The following FAM177A1 variants were observed in gnomAD, a reference collection of about 807,000 sequenced individuals.
FAM177A1 encodes family with sequence similarity 177 member A1, also known as protein FAM177A1.
In FAM177A1, 22 loss-of-function variants were observed where a neutral mutation model predicts 26.1. The observed-to-expected ratio is 0.84, with a 90% CI of 0.60 to 1.20. FAM177A1 has a LOEUF of 1.20. FAM177A1 is among the 50% of genes most tolerant of loss of function. FAM177A1 has a pLI of 0.00. For synonymous variants in FAM177A1, 95 were observed against 99.3 expected (o/e 0.96, Z 0.26); for missense variants, 296 against 291.1 (o/e 1.02, Z -0.12).
At chr14:35,073,733 T>G (rs1050492770) in intron 2 of FAM177A1, among the ~76,000 whole-genome samples, 7 of 152,210 alleles carry the variant, frequency 4.6e-5, no homozygotes, top group Non-Finnish European at 1.0e-4. Context: ...GGCTAGCAGC[T>G]TTATAGATAA....
At chr14:35,047,224 TTAA>T (rs1459216984) in intron 1 of FAM177A1, 1 of 155,592 alleles carries the variant, frequency 6.4e-6, no homozygotes, top group Non-Finnish European at 1.4e-5. Flanking sequence ...GAAACCGATA[TTAA>T]TTTTAATAGC....
Position 35,046,643 on chromosome 14 carries a change from C to T in FAM177A1, c.165+15C>T. On this transcript the variant is annotated intron_variant, in intron 1 of 4. Coordinates refer to ENST00000280987, the MANE Select transcript of FAM177A1 (RefSeq NM_173607.5). ...CTGCAGGGCAGGTAGGTGGGGCCGC[C>T]GAGGCTGACGTCCGGGGAGCCGAGC... 2.6e-6 allele frequency: 4 copies of T among 1,523,092 alleles called. No homozygotes were observed. Among genetic ancestry groups the T allele is most frequent in the Non-Finnish European group, 3.5e-6 (4 of 1,131,590 alleles). The allele number at this position is 1,523,092 out of a possible 1,614,324, so 94.3% of individuals were successfully genotyped here.
At chr14:35,069,942 C>T (rs1432882089) in intron 2 of FAM177A1, among the ~76,000 whole-genome samples, 1 of 150,494 alleles carries the variant, frequency 6.6e-6, no homozygotes, top group Non-Finnish European at 1.5e-5. Flanking sequence ...ATGGTGAAAC[C>T]CCGTCTCTAC....
chr14:35,081,316 C>G lies in FAM177A1; in HGVS notation c.*88C>G. 8.6e-7 allele frequency: 1 copy of G among 1,165,890 alleles called. No homozygotes were observed. The highest frequency in any genetic ancestry group is 1.2e-6 in the Non-Finnish European group (1 of 857,334). 72.2% of individuals were successfully genotyped at this position (1,165,890 alleles called of 1,614,324 possible). A position where few individuals can be genotyped will look rare whatever the true frequency, so the allele number is the denominator to read the frequency against. On this transcript the variant is annotated 3_prime_UTR_variant, in exon 5 of 5. Transcript: ENST00000280987. Reference sequence around the variant, plus strand: ...ATTCTTTATTCAGTGGGACTTAATACAATTATTTATATTTTAAATTATTAA... The same window carrying G: ...ATTCTTTATTCAGTGGGACTTAATAGAATTATTTATATTTTAAATTATTAA...
intron 1 of FAM177A1, among the ~76,000 whole-genome samples, chr14:35,048,891 CTT>C (rs71435848): frequency 2.7e-4 from 37 of 138,878 alleles, no homozygotes; most frequent in Non-Finnish European, 1.7e-4. Flanking sequence ...TTGTGACATT[CTT>C]TTTTTTTTTT....
In FAM177A1 at chr14:35,056,802, G is replaced by C. The variant is rs551274858; in HGVS notation, c.339+3351G>C. On this transcript the variant is annotated intron_variant, in intron 2 of 4. Coordinates refer to ENST00000280987, the MANE Select transcript of FAM177A1 (RefSeq NM_173607.5). Reference sequence around the variant, plus strand: ...TCCTTTTTGAGTCAGTTGTGTATGAGTTTGTGTCTTTCTAGGAATTTGTCC... The same window carrying C: ...TCCTTTTTGAGTCAGTTGTGTATGACTTTGTGTCTTTCTAGGAATTTGTCC... 2.6e-5 allele frequency among the ~76,000 whole-genome samples: 4 copies of C among 152,226 alleles called. No homozygotes were observed. The South Asian group carries it at 8.3e-4, about 32-fold the overall frequency.
chr14:35,054,479 G>A (rs908530567), intron 2 of FAM177A1, among the ~76,000 whole-genome samples: 4 of 152,000 alleles, frequency 2.6e-5, no homozygotes, highest in African/African-American at 7.3e-5. Context: ...TTTAGGTGCC[G>A]GTGATATAGC....
intron 4 of FAM177A1, among the ~76,000 whole-genome samples, chr14:35,080,120 C>T (rs1048392765): frequency 2.0e-5 from 3 of 151,862 alleles, no homozygotes; most frequent in Admixed American, 6.6e-5. Flanking sequence ...ACTACCCGTT[C>T]TGCAGGGTCC....
In FAM177A1 at chr14:35,083,212, TTA is replaced by T. The variant is rs1020682049; in HGVS notation, c.*1986_*1987del. On this transcript the variant is annotated 3_prime_UTR_variant, in exon 5 of 5. Transcript: ENST00000280987. ...GTATCTAGAGTTTACCCAGAAAATT[TTA>T]TGATTGTAACAAAAGGAAGTAGTGA... 3.9e-5 allele frequency: 6 copies of T among 152,614 alleles called. No individual in the cohort carries two copies. The highest frequency in any genetic ancestry group is 8.8e-5 in the Non-Finnish European group (6 of 68,036). 9.5% of individuals were successfully genotyped at this position (152,614 alleles called of 1,614,324 possible).
chr14:35,067,637 T>A (rs142824692), intron 2 of FAM177A1, among the ~76,000 whole-genome samples: 235 of 152,322 alleles, frequency 1.5e-3, no homozygotes, highest in African/African-American at 5.4e-3. Context: ...CTGATTTGCA[T>A]TCCCACCAAG....
At chr14:35,058,490 A>G (rs1222661712) in intron 2 of FAM177A1, among the ~76,000 whole-genome samples, 2 of 152,148 alleles carry the variant, frequency 1.3e-5, no homozygotes, top group Non-Finnish European at 2.9e-5. Context: ...TTAACTGCAT[A>G]TGTATTTATA....
chr14:35,064,658 AT>A (rs77245749), intron 2 of FAM177A1, among the ~76,000 whole-genome samples: 25,419 of 150,300 alleles, frequency 0.17, 2,364 homozygotes, highest in East Asian at 0.31. Context: ...TATTTCTCTG[AT>A]TTTTTTTTTG....
rs112622068 is a variant in FAM177A1, at chr14:35,066,068, T to A, written c.340-11082T>A. On this transcript the variant is annotated intron_variant, in intron 2 of 4. Coordinates refer to ENST00000280987, the MANE Select transcript of FAM177A1 (RefSeq NM_173607.5). ...TCGTAGGAATTCTAATCCTTTTTTTTAAATTTTTTTCTTTTTGAGACAAGG... is the reference window on the plus strand; with the variant it reads ...TCGTAGGAATTCTAATCCTTTTTTTAAAATTTTTTTCTTTTTGAGACAAGG... 1.5e-4 allele frequency among the ~76,000 whole-genome samples: 23 copies of A among 152,222 alleles called. 1 individual carries two copies. Among genetic ancestry groups the A allele is most frequent in the South Asian group, 6.2e-4 (3 of 4,818 alleles).
chr14:35,051,585 G>T (rs2044972029), intron 1 of FAM177A1, among the ~76,000 whole-genome samples: 1 of 152,002 alleles, frequency 6.6e-6, no homozygotes, highest in Non-Finnish European at 1.5e-5. Context: ...GCTGATTTTT[G>T]TATTTTTAGT....
chr14:35,059,591 G>A (rs1178969795), intron 2 of FAM177A1, among the ~76,000 whole-genome samples: 1 of 147,040 alleles, frequency 6.8e-6, no homozygotes, highest in Non-Finnish European at 1.5e-5. Flanking sequence ...CTGGAGTGCA[G>A]TGGCGCAATC....
chr14:35,048,983 C>T (rs940127091), intron 1 of FAM177A1, among the ~76,000 whole-genome samples: 22 of 151,738 alleles, frequency 1.4e-4, no homozygotes, highest in East Asian at 1.3e-3. Flanking sequence ...CTCCACCTCC[C>T]GGGTTCACGC....
rs563459995 is a variant in FAM177A1 at position 35,046,280 on chromosome 14, G to A, written c.-184G>A. The A allele has an allele frequency of 1.5e-3, 902 of 616,790 alleles. 7 individuals are homozygous for A. In the African/African-American group the frequency reaches 0.016, roughly 11 times the overall value. The allele number at this position is 616,790 out of a possible 1,614,324, so 38.2% of individuals were successfully genotyped here. ...CGGTAGTTGCGCCTCCCAGACTGCA[G>A]TTGGCCAGCTCTCGGGGTGCGGAGC... On this transcript the variant is annotated 5_prime_UTR_variant, in exon 1 of 5. Transcript: ENST00000280987.
chr14:35,064,220 C>G (rs1331236273), intron 2 of FAM177A1, among the ~76,000 whole-genome samples: 2 of 151,728 alleles, frequency 1.3e-5, no homozygotes, highest in Non-Finnish European at 2.9e-5. Flanking sequence ...AACCTCGTCT[C>G]TACTAAAAAT....
intron 2 of FAM177A1, among the ~76,000 whole-genome samples, chr14:35,065,065 A>AT (rs141236387): frequency 3.3e-5 from 5 of 150,682 alleles, no homozygotes; most frequent in Non-Finnish European, 4.4e-5. Flanking sequence ...CTGTCACCAT[A>AT]TTTTTTTTTG....
Sources: allele counts gnomAD v4.1 joint callset (sites outside exome capture counted in the v4.1 genomes callset), GRCh38; gene constraint gnomAD v4.1.1; transcripts MANE v1.5; gene names NCBI Gene and HGNC (gene_info 2026-07-23, HGNC 2026-07-21).